Variants in PRKN observed in about 807,000 individuals in gnomAD.
PRKN encodes parkin RBR E3 ubiquitin protein ligase, also known as E3 ubiquitin-protein ligase parkin.
A neutral mutation model predicts 59.5 loss-of-function variants in PRKN; 56 were observed. The observed-to-expected ratio is 0.94, with a 90% CI of 0.76 to 1.18. The LOEUF (loss-of-function observed/expected upper bound fraction) is 1.18, where lower values mean the gene tolerates loss of function less well. PRKN is among the 50% of genes most tolerant of loss of function. The pLI, the probability that PRKN is intolerant of heterozygous loss-of-function variation, is 0.00. For synonymous variants in PRKN, 250 were observed against 222.1 expected, an observed-to-expected ratio of 1.13 and a Z score of -1.12; for missense variants, 657 against 596.4, an observed-to-expected ratio of 1.10 and a Z score of -1.06.
At chr6:161,660,042 G>A (rs1784488455) in intron 7 of PRKN, among the ~76,000 whole-genome samples, 1 of 152,048 alleles carries the variant, frequency 6.6e-6, no homozygotes, top group African/African-American at 2.4e-5. Context: ...GACTTACTAA[G>A]GTCTCAAAAA....
At chr6:162,257,297 T>C (rs1188505864) in intron 3 of PRKN, among the ~76,000 whole-genome samples, 1 of 152,066 alleles carries the variant, frequency 6.6e-6, no homozygotes, top group Non-Finnish European at 1.5e-5. Flanking sequence ...GTGGCCACAG[T>C]TTTTCTTTTT....
chr6:162,008,903 C>T (rs1782368544), intron 5 of PRKN, among the ~76,000 whole-genome samples: 1 of 150,246 alleles, frequency 6.7e-6, no homozygotes, highest in Non-Finnish European at 1.5e-5. Context: ...GGCTGGATAC[C>T]CTTGTAAGAG....
chr6:162,621,916 T>C (rs1393182014), intron 1 of PRKN, among the ~76,000 whole-genome samples: 11 of 152,118 alleles, frequency 7.2e-5, no homozygotes, highest in African/African-American at 2.4e-4. Flanking sequence ...CCGGGTTCAA[T>C]TGATTCTCCT....
chr6:161,976,378 C>A (rs1000732235), intron 5 of PRKN, among the ~76,000 whole-genome samples: 8 of 152,206 alleles, frequency 5.3e-5, no homozygotes, highest in Admixed American at 2.0e-4. Flanking sequence ...CCCATGGAGG[C>A]ATGTGTGTGG....
intron 9 of PRKN, among the ~76,000 whole-genome samples, chr6:161,504,793 C>T (rs369040966): frequency 6.0e-5 from 9 of 150,314 alleles, no homozygotes; most frequent in South Asian, 2.1e-4. Context: ...TTTGTTCTTG[C>T]GATAGTTTAC....
intron 1 of PRKN, among the ~76,000 whole-genome samples, chr6:162,480,430 A>G (rs537956428): frequency 6.6e-6 from 1 of 152,256 alleles, no homozygotes. Context: ...AATAGGGAGG[A>G]GAGGAAGAAG....
chr6:162,520,245 T>C (rs1345114520), intron 1 of PRKN, among the ~76,000 whole-genome samples: 1 of 152,228 alleles, frequency 6.6e-6, no homozygotes, highest in African/African-American at 2.4e-5. Context: ...GGCTACTATT[T>C]TAGTTTAAAA....
chr6:161,783,460 C>T (rs75723313), intron 7 of PRKN, among the ~76,000 whole-genome samples: 8,633 of 152,098 alleles, frequency 0.057, 553 homozygotes, highest in African/African-American at 0.16. Flanking sequence ...GTCGAGAGCA[C>T]CTTGGTACAC....
At chr6:162,686,395 G>A (rs370743170) in intron 1 of PRKN, among the ~76,000 whole-genome samples, 8 of 152,232 alleles carry the variant, frequency 5.3e-5, no homozygotes, top group African/African-American at 1.7e-4. Flanking sequence ...GTGGTGTAAC[G>A]GCTGATTTTG....
chr6:162,333,641 T>C (rs1445934081), intron 2 of PRKN, among the ~76,000 whole-genome samples: 4 of 152,152 alleles, frequency 2.6e-5, no homozygotes, highest in African/African-American at 9.7e-5. Flanking sequence ...TCTCTGTCTT[T>C]CTCCTCAGGT....
rs560622302 is a variant in PRKN at position 161,925,407 on chromosome 6, T to A, written c.734+47895A>T. 9.2e-5 allele frequency among the ~76,000 whole-genome samples: 14 copies of A among 152,160 alleles called. No homozygotes were observed. The South Asian group carries it at 2.9e-3, about 32-fold the overall frequency. On this transcript the variant is annotated intron_variant, in intron 6 of 11. Transcript: ENST00000366898. Reference sequence around the variant, plus strand: ...TAACAGGGTGAAATCCCGTCTCTACTAAAAATACAAAAGATTAGCCGGGTG... The same window carrying A: ...TAACAGGGTGAAATCCCGTCTCTACAAAAAATACAAAAGATTAGCCGGGTG...
intron 6 of PRKN, among the ~76,000 whole-genome samples, chr6:161,902,556 A>ATCTATTTTT (rs1382089937): frequency 0.091 from 10,534 of 115,686 alleles, 1,423 homozygotes; most frequent in African/African-American, 0.13. Context: ...CTATTTATTT[A>ATCTATTTTT]TTTATTTATT....
chr6:162,127,325 T>A (rs1013376642), intron 4 of PRKN, among the ~76,000 whole-genome samples: 1 of 152,184 alleles, frequency 6.6e-6, no homozygotes, highest in Non-Finnish European at 1.5e-5. Flanking sequence ...CAACTCAACT[T>A]TTGCTTTCCA....
At chr6:161,682,059 CA>C (rs1449836756) in intron 7 of PRKN, among the ~76,000 whole-genome samples, 1 of 152,210 alleles carries the variant, frequency 6.6e-6, no homozygotes, top group Non-Finnish European at 1.5e-5. Context: ...GTAAAGACGG[CA>C]GATACCAAAA....
At chr6:161,398,930 A>G (rs1400375431) in intron 9 of PRKN, among the ~76,000 whole-genome samples, 1 of 152,172 alleles carries the variant, frequency 6.6e-6, no homozygotes, top group African/African-American at 2.4e-5. Context: ...CTGGAAACCC[A>G]TGGCCCTAAA....
At chr6:161,907,324 A>G (rs1364168546) in intron 6 of PRKN, among the ~76,000 whole-genome samples, 3 of 151,382 alleles carry the variant, frequency 2.0e-5, no homozygotes, top group South Asian at 2.1e-4. Context: ...GACTATTTGG[A>G]AAAAAAAAGC....
intron 4 of PRKN, among the ~76,000 whole-genome samples, chr6:162,191,689 G>A (rs1307736286): frequency 2.6e-5 from 4 of 152,048 alleles, no homozygotes; most frequent in South Asian, 2.1e-4. Flanking sequence ...GTGATCCACC[G>A]ACCTCGGCCT....
intron 6 of PRKN, among the ~76,000 whole-genome samples, chr6:161,921,605 T>G (rs533659634): frequency 6.6e-6 from 1 of 152,336 alleles, no homozygotes; most frequent in African/African-American, 2.4e-5. Context: ...GCGATAGGAA[T>G]TTTTCAGCTC....
chr6:162,444,983 A>G (rs1048194617), intron 1 of PRKN, among the ~76,000 whole-genome samples: 6 of 152,276 alleles, frequency 3.9e-5, no homozygotes, highest in Non-Finnish European at 8.8e-5. Flanking sequence ...TTTGATATAC[A>G]TTTTGCCTTC....
Sources: gnomAD v4.1 joint callset for allele counts (sites outside exome capture counted in the v4.1 genomes callset) on GRCh38, gnomAD v4.1.1 for gene constraint, MANE v1.5 for transcripts, NCBI Gene and HGNC (gene_info 2026-07-23, HGNC 2026-07-21) for gene names.